The following RAB21 variants were observed in gnomAD, a reference collection of about 807,000 sequenced individuals.
The protein encoded by RAB21 is ras-related protein Rab-21.
RAB21 carries 13 observed loss-of-function variants against 33.1 expected under a neutral mutation model. The observed-to-expected ratio is 0.39, with a 90% CI of 0.26 to 0.62. The LOEUF (loss-of-function observed/expected upper bound fraction) is 0.62. Ranked by LOEUF, RAB21 falls within the 20% of genes least tolerant of loss-of-function variation. The pLI is 0.48. For missense variants in RAB21, 234 were observed against 279.1 expected, an observed-to-expected ratio of 0.84 and a Z score of 1.15; for synonymous variants, 91 against 103.7, an observed-to-expected ratio of 0.88 and a Z score of 0.74.
Position 71,786,900 on chromosome 12 carries a change from G to A in RAB21, c.*1227G>A, listed in dbSNP as rs983945853. 2.6e-5 allele frequency: 4 copies of A among 152,184 alleles called. No homozygotes were observed. The highest frequency in any genetic ancestry group is 9.7e-5 in the African/African-American group (4 of 41,444). 9.4% of individuals were successfully genotyped at this position (152,184 alleles called of 1,614,324 possible). On this transcript the variant is annotated 3_prime_UTR_variant, in exon 7 of 7. Coordinates refer to ENST00000261263, the MANE Select transcript of RAB21 (RefSeq NM_014999.4). Reference sequence around the variant, plus strand: ...ATGGTTACCTTAGAAGAATTTGGGTGGCTCATGTTGAATTTCACTTCTGCA... The same window carrying A: ...ATGGTTACCTTAGAAGAATTTGGGTAGCTCATGTTGAATTTCACTTCTGCA...
intron 1 of RAB21, among the ~76,000 whole-genome samples, chr12:71,768,207 C>T (rs995062602): frequency 6.6e-5 from 10 of 152,126 alleles, no homozygotes; most frequent in African/African-American, 2.2e-4. Context: ...TTATATTTAT[C>T]TGTAGACTCC....
intron 1 of RAB21, among the ~76,000 whole-genome samples, chr12:71,768,789 TC>T (rs1882998070): frequency 6.6e-6 from 1 of 152,092 alleles, no homozygotes; most frequent in African/African-American, 2.4e-5. Context: ...CAGAAGAAAA[TC>T]AGGGAAAAAA....
intron 4 of RAB21, among the ~76,000 whole-genome samples, chr12:71,775,020 G>C (rs1883099654): frequency 6.6e-6 from 1 of 152,136 alleles, no homozygotes; most frequent in African/African-American, 2.4e-5. Context: ...TTTGAGTAAT[G>C]GTCAGATTTG....
At chr12:71,761,647 C>T (rs1018980041) in intron 1 of RAB21, among the ~76,000 whole-genome samples, 1 of 151,986 alleles carries the variant, frequency 6.6e-6, no homozygotes, top group African/African-American at 2.4e-5. Context: ...CATTGTGCTC[C>T]AGCCTGGGCA....
At chr12:71,768,717 C>A (rs1565887719) in intron 1 of RAB21, among the ~76,000 whole-genome samples, 1 of 152,034 alleles carries the variant, frequency 6.6e-6, no homozygotes, top group African/African-American at 2.4e-5. Context: ...CCTGTTTCTT[C>A]AAACAGTTGT....
chr12:71,794,762 C>T lies in RAB21; in HGVS notation c.*9089C>T, dbSNP rs982468631. On this transcript the variant is annotated 3_prime_UTR_variant, in exon 7 of 7. Coordinates refer to ENST00000261263, the MANE Select transcript of RAB21 (RefSeq NM_014999.4). ...TATATTTATAAATTTATATATATTT[C>T]ATATATATATTATATATATATAAAA... is the stretch of plus-strand genomic sequence containing the variant. 2.7e-5 allele frequency: 4 copies of T among 145,468 alleles called. No individual in the cohort carries two copies. Among genetic ancestry groups the T allele is most frequent in the Non-Finnish European group, 4.5e-5 (3 of 66,654 alleles). The allele number at this position is 145,468 out of a possible 1,614,324, so 9.0% of individuals were successfully genotyped here.
chr12:71,772,992 A>G (rs1307152424), intron 3 of RAB21, among the ~76,000 whole-genome samples: 2 of 152,240 alleles, frequency 1.3e-5, no homozygotes, highest in African/African-American at 4.8e-5. Context: ...GTTACCACAT[A>G]GCTAATGTAA....
chr12:71,776,785 A>T (rs1340459761), intron 4 of RAB21, among the ~76,000 whole-genome samples: 4 of 150,180 alleles, frequency 2.7e-5, no homozygotes, highest in Non-Finnish European at 5.9e-5. Flanking sequence ...TTAAAGGATT[A>T]AAAAAAAAGT....
intron 1 of RAB21, among the ~76,000 whole-genome samples, chr12:71,761,944 TG>T (rs1882878269): frequency 1.3e-5 from 2 of 152,198 alleles, no homozygotes; most frequent in South Asian, 2.1e-4. Flanking sequence ...CAAAGTATTT[TG>T]TAAGTATCCT....
intron 1 of RAB21, among the ~76,000 whole-genome samples, chr12:71,760,726 T>C (rs2117756): frequency 0.67 from 101,752 of 151,788 alleles, 38,165 homozygotes; most frequent in Non-Finnish European, 0.85. Flanking sequence ...CCTTTTTTTT[T>C]CCCTTATTGA....
intron 1 of RAB21, 127 bp downstream of exon 1, chr12:71,755,415 GT>G: frequency 8.5e-7 from 1 of 1,176,398 alleles, no homozygotes. Flanking sequence ...TCCGCCTTCG[GT>G]TTACCTTTCC....
chr12:71,769,578 GT>G (rs1231801529), intron 1 of RAB21, among the ~76,000 whole-genome samples: 1 of 152,012 alleles, frequency 6.6e-6, no homozygotes, highest in Non-Finnish European at 1.5e-5. Context: ...TTTTCTGTGT[GT>G]TTTGTATAAC....
chr12:71,771,370 A>C (rs1883040065), intron 3 of RAB21, among the ~76,000 whole-genome samples: 1 of 152,204 alleles, frequency 6.6e-6, no homozygotes, highest in Non-Finnish European at 1.5e-5. Flanking sequence ...AACAATGTGT[A>C]ACTACAGGGA....
Position 71,799,833 on chromosome 12 carries a change from G to A in RAB21, c.*14160G>A, listed in dbSNP as rs1037195534. The stretch of plus-strand genomic sequence containing the variant: ...CACACCTGTAATCCCAGCATTTTGG[G>A]AGGCCAAGATGGGCGGATCATATGA... On this transcript the variant is annotated 3_prime_UTR_variant, in exon 7 of 7. Coordinates refer to ENST00000261263, the MANE Select transcript of RAB21 (RefSeq NM_014999.4). 6.6e-6 allele frequency: 1 copy of A among 152,170 alleles called. No homozygotes were observed. The highest frequency in any genetic ancestry group is 2.4e-5 in the African/African-American group (1 of 41,422). 9.4% of individuals were successfully genotyped at this position (152,170 alleles called of 1,614,324 possible).
rs1326390677 is a variant in RAB21 at position 71,792,410 on chromosome 12, C to T, written c.*6737C>T. 1 of 152,164 alleles carries T rather than the reference C, an allele frequency of 6.6e-6. No homozygotes were observed. Among genetic ancestry groups the T allele is most frequent in the African/African-American group, 2.4e-5 (1 of 41,426 alleles). The allele number at this position is 152,164 out of a possible 1,614,324, so 9.4% of individuals were successfully genotyped here. On this transcript the variant is annotated 3_prime_UTR_variant, in exon 7 of 7. Transcript: ENST00000261263. The stretch of plus-strand genomic sequence containing the variant: ...ACATAAAACTCTGGGTTGGGCTCAT[C>T]CTCTTGGTGTATTTTCCTACTTGGA...
chr12:71,757,135 C>G (rs1882797035), intron 1 of RAB21, among the ~76,000 whole-genome samples: 1 of 151,882 alleles, frequency 6.6e-6, no homozygotes, highest in Non-Finnish European at 1.5e-5. Context: ...CAAAAGATAA[C>G]TTGAGTCTTG....
chr12:71,783,644 A>G (rs1883236175), intron 6 of RAB21, among the ~76,000 whole-genome samples: 1 of 152,180 alleles, frequency 6.6e-6, no homozygotes, highest in Admixed American at 6.5e-5. Flanking sequence ...ATTTCTAGGG[A>G]TGGTGCCCAG....
rs150775282 is a variant in RAB21, at chr12:71,779,369, G to A, written c.392-2662G>A. ...CACTCGGGGCTGAGGCAGGAGAATC[G>A]CTTGAGCCCGGGAGGTGGAGGCTGC... On this transcript the variant is annotated intron_variant, in intron 4 of 6. Transcript: ENST00000261263. 3.7e-3 allele frequency among the ~76,000 whole-genome samples: 562 copies of A among 152,244 alleles called. 2 individuals are homozygous for A. The highest frequency in any genetic ancestry group is 0.013 in the African/African-American group (548 of 41,522).
At chr12:71,769,402 A>C (rs543160402) in intron 1 of RAB21, among the ~76,000 whole-genome samples, 2 of 152,328 alleles carry the variant, frequency 1.3e-5, no homozygotes, top group African/African-American at 4.8e-5. Context: ...AATCATTTTG[A>C]ATAATATTGA....
Sources: allele counts gnomAD v4.1 joint callset (sites outside exome capture counted in the v4.1 genomes callset), GRCh38; gene constraint gnomAD v4.1.1; transcripts MANE v1.5; gene names NCBI Gene and HGNC (gene_info 2026-07-23, HGNC 2026-07-21).